Variants in UBE2G1 observed in about 807,000 individuals in gnomAD.
The protein encoded by UBE2G1 is ubiquitin-conjugating enzyme E2 G1.
UBE2G1 carries 5 observed loss-of-function variants against 22.7 expected under a neutral mutation model. The observed-to-expected ratio is 0.22, with a 90% CI of 0.12 to 0.46. The LOEUF (loss-of-function observed/expected upper bound fraction) is 0.46. Among genes scored for constraint, UBE2G1 ranks in the 20% least tolerant of loss-of-function variants. The probability of loss-of-function intolerance (pLI) is 0.99; values close to 1 mark genes in which losing one functional copy is unlikely to be tolerated. For missense variants in UBE2G1, 88 were observed against 203.9 expected, an observed-to-expected ratio of 0.43 and a Z score of 3.46; for synonymous variants, 74 against 67.5, an observed-to-expected ratio of 1.10 and a Z score of -0.47.
intron 3 of UBE2G1, among the ~76,000 whole-genome samples, chr17:4,293,495 C>T (rs1265250943): frequency 6.6e-6 from 1 of 152,060 alleles, no homozygotes; most frequent in Non-Finnish European, 1.5e-5. Flanking sequence ...CACTCGTGTT[C>T]GAGTTTTTCT....
chr17:4,356,883 C>CT (rs906016537), intron 1 of UBE2G1, among the ~76,000 whole-genome samples: 1 of 152,072 alleles, frequency 6.6e-6, no homozygotes, highest in East Asian at 1.9e-4. Flanking sequence ...TTACAGGTGA[C>CT]TTTTTTTAAA....
intron 1 of UBE2G1, among the ~76,000 whole-genome samples, chr17:4,343,853 C>G (rs1598201427): frequency 6.6e-6 from 1 of 152,176 alleles, no homozygotes; most frequent in South Asian, 2.1e-4. Context: ...TCCCAAAGTG[C>G]TGGGATTACA....
At position 4,343,834 on chromosome 17, in the gene UBE2G1, G is replaced by A. The variant is rs142828138; in HGVS notation, c.46+22437C>T. On this transcript the variant is annotated intron_variant, in intron 1 of 5. Transcript: ENST00000396981. Reference sequence around the variant, plus strand: ...GATCTCCTGACCTCATGATCCGCCCGCCTCATTCTCCCAAAGTGCTGGGAT... The same window carrying A: ...GATCTCCTGACCTCATGATCCGCCCACCTCATTCTCCCAAAGTGCTGGGAT... Among the ~76,000 whole-genome samples the A allele has an allele frequency of 5.3e-3, 807 of 152,006 alleles. 8 individuals are homozygous for A. Among genetic ancestry groups the A allele is most frequent in the African/African-American group, 0.019 (773 of 41,504 alleles).
At chr17:4,338,617 G>C (rs1969676554) in intron 1 of UBE2G1, among the ~76,000 whole-genome samples, 1 of 152,144 alleles carries the variant, frequency 6.6e-6, no homozygotes, top group Non-Finnish European at 1.5e-5. Flanking sequence ...AGACAGCAGA[G>C]TATACTCAAT....
chr17:4,366,015 ACCT>A (rs901236324), intron 1 of UBE2G1, among the ~76,000 whole-genome samples: 1 of 150,914 alleles, frequency 6.6e-6, no homozygotes, highest in Non-Finnish European at 1.5e-5. Flanking sequence ...GGGGGAGGGG[ACCT>A]CCTCCTCTCC....
rs142398745 is a variant in UBE2G1, at chr17:4,294,875, C to T, written c.247+1842G>A. On this transcript the variant is annotated intron_variant, in intron 3 of 5. Transcript: ENST00000396981. ...CTGTGATCATGCCATTGCACTGCAG[C>T]CTGGGTGGCAGAGTGAGACCCTGTC... Among the ~76,000 whole-genome samples the T allele has an allele frequency of 5.3e-3, 802 of 151,894 alleles. 8 individuals carry two copies. Among genetic ancestry groups the T allele is most frequent in the African/African-American group, 0.019 (769 of 41,356 alleles).
At chr17:4,357,761 G>A (rs895937984) in intron 1 of UBE2G1, among the ~76,000 whole-genome samples, 1 of 151,880 alleles carries the variant, frequency 6.6e-6, no homozygotes, top group Non-Finnish European at 1.5e-5. Context: ...TCCCACCACT[G>A]CACTCCAGCC....
chr17:4,347,170 G>A (rs1039312592), intron 1 of UBE2G1, among the ~76,000 whole-genome samples: 1 of 151,934 alleles, frequency 6.6e-6, no homozygotes, highest in Admixed American at 6.6e-5. Context: ...AATAATAAAT[G>A]TACCACAGGT....
rs551777037 is a variant in UBE2G1 at position 4,290,066 on chromosome 17, CTATT to C, written c.248-662_248-659del. Reference sequence around the variant, plus strand: ...TTTTAGGAGACATGTATTGACATAACTATTTAAGCAGTTTAGCAAAAAAGTAAAA... The same window carrying C: ...TTTTAGGAGACATGTATTGACATAACTAAGCAGTTTAGCAAAAAAGTAAAA... On this transcript the variant is annotated intron_variant, in intron 3 of 5. Transcript: ENST00000396981. Among the ~76,000 whole-genome samples, 407 of 152,094 alleles carry C rather than the reference CTATT, an allele frequency of 2.7e-3. 1 individual carries two copies. The highest frequency in any genetic ancestry group is 9.4e-3 in the African/African-American group (391 of 41,470).
intron 1 of UBE2G1, among the ~76,000 whole-genome samples, chr17:4,317,104 C>A (rs894938735): frequency 7.9e-5 from 12 of 152,062 alleles, no homozygotes; most frequent in Non-Finnish European, 1.6e-4. Context: ...AATCCCAGTA[C>A]TTTGGAAGGC....
intron 1 of UBE2G1, among the ~76,000 whole-genome samples, chr17:4,325,396 T>A (rs1175153131): frequency 6.6e-6 from 1 of 152,218 alleles, no homozygotes; most frequent in Non-Finnish European, 1.5e-5. Flanking sequence ...TGTTTTTAAA[T>A]AACTCTTAAA....
At chr17:4,355,677 C>T (rs986771217) in intron 1 of UBE2G1, among the ~76,000 whole-genome samples, 4 of 148,942 alleles carry the variant, frequency 2.7e-5, no homozygotes, top group African/African-American at 9.8e-5. Context: ...TCATTTACTA[C>T]TGGCTGCTCT....
chr17:4,326,964 C>T (rs571959816), intron 1 of UBE2G1, among the ~76,000 whole-genome samples: 2 of 152,280 alleles, frequency 1.3e-5, no homozygotes, highest in South Asian at 4.1e-4. Flanking sequence ...GAGTTTGAAA[C>T]CAGCCAGGCC....
At chr17:4,340,776 T>TA (rs397963613) in intron 1 of UBE2G1, among the ~76,000 whole-genome samples, 1 of 151,894 alleles carries the variant, frequency 6.6e-6, no homozygotes, top group African/African-American at 2.4e-5. Context: ...TATTTTTTTT[T>TA]ATTTTTTCTT....
intron 1 of UBE2G1, among the ~76,000 whole-genome samples, chr17:4,323,991 G>C (rs1969473724): frequency 6.6e-6 from 1 of 152,186 alleles, no homozygotes; most frequent in African/African-American, 2.4e-5. Context: ...AAGTGAAAAG[G>C]TCACTGGAGA....
chr17:4,323,474 A>G (rs947936343), intron 1 of UBE2G1, among the ~76,000 whole-genome samples: 1 of 152,242 alleles, frequency 6.6e-6, no homozygotes, highest in South Asian at 2.1e-4. Flanking sequence ...AATTAATCAG[A>G]TAAGAAACTA....
intron 1 of UBE2G1, among the ~76,000 whole-genome samples, chr17:4,333,484 T>A (rs548815717): frequency 9.2e-5 from 14 of 152,206 alleles, no homozygotes; most frequent in African/African-American, 3.4e-4. Flanking sequence ...GACACCAGCC[T>A]GGCCAACATG....
intron 1 of UBE2G1, among the ~76,000 whole-genome samples, chr17:4,340,839 C>T (rs557872442): frequency 1.3e-4 from 19 of 147,220 alleles, no homozygotes; most frequent in South Asian, 2.1e-4. Context: ...AACTCCTGGT[C>T]TCAAGTGACC....
chr17:4,337,464 C>G (rs1969662320), intron 1 of UBE2G1, among the ~76,000 whole-genome samples: 1 of 151,664 alleles, frequency 6.6e-6, no homozygotes, highest in African/African-American at 2.4e-5. Context: ...ACCAGCCTGG[C>G]CAACACGGTG....
Sources: gnomAD v4.1 joint callset for allele counts (sites outside exome capture counted in the v4.1 genomes callset) on GRCh38, gnomAD v4.1.1 for gene constraint, MANE v1.5 for transcripts, NCBI Gene and HGNC (gene_info 2026-07-23, HGNC 2026-07-21) for gene names.